The following CYB5R1 variants were observed in gnomAD, a reference collection of about 807,000 sequenced individuals.
CYB5R1 encodes cytochrome b5 reductase 1.
In CYB5R1, 32 loss-of-function variants were observed where a neutral mutation model predicts 37.4. The ratio of observed to expected loss-of-function variants is 0.86; its 90% CI spans 0.65 to 1.15. CYB5R1 has a LOEUF of 1.15. Among genes scored for constraint, CYB5R1 ranks in the 50% most tolerant of loss-of-function variants. CYB5R1 has a pLI of 0.00. For synonymous variants in CYB5R1, 159 were observed against 155.2 expected (o/e 1.02, Z -0.18); for missense variants, 345 against 382.5 (o/e 0.90, Z 0.82).
rs1571576672 is a variant in CYB5R1, at chr1:202,963,185, G to C, written c.646-20C>G. 6.3e-7 allele frequency: 1 copy of C among 1,594,390 alleles called. No homozygotes were observed. Among genetic ancestry groups the C allele is most frequent in the Non-Finnish European group, 8.6e-7 (1 of 1,162,154 alleles). ...TTCTGTCTGAAATGCAAAGGGGAAG[G>C]AAAGTCTTTAGGAGTCTTCTCAGGC... is the stretch of plus-strand genomic sequence containing the variant. On this transcript the variant is annotated intron_variant, in intron 7 of 8. Transcript: ENST00000367249.
intron 4 of CYB5R1, 107 bp downstream of exon 4, chr1:202,965,780 A>G: frequency 1.2e-6 from 1 of 823,010 alleles, no homozygotes; most frequent in South Asian, 1.7e-5. Context: ...CTTTCTTCAC[A>G]TCCACAGAGT....
rs745867958 is a variant in CYB5R1 at position 202,962,626 on chromosome 1, C to T, written c.819G>A (p.Val273=). ...REHLPAPGDD[V]LVLLCGPPPM... ...GGGGTGGCCCACAAAGCAGTACCAG[C>T]ACATCATCCCCTGGAGCGGGCAGGT... Residue 273 remains valine (V), a synonymous_variant, in exon 9 of 9, where the codon GTG becomes GTA. Coordinates refer to ENST00000367249, the MANE Select transcript of CYB5R1 (RefSeq NM_016243.3). 4 of 1,614,174 alleles carry T rather than the reference C, an allele frequency of 2.5e-6. No homozygotes were observed. The South Asian group carries it at 4.4e-5, about 18-fold the overall frequency.
intron 6 of CYB5R1, chr1:202,964,215 T>A: frequency 5.0e-6 from 1 of 199,164 alleles, no homozygotes; most frequent in South Asian, 1.1e-4. Flanking sequence ...ACCTACTTCA[T>A]AGATACCTAT....
At position 202,967,142 on chromosome 1, in the gene CYB5R1, C is replaced by A. The variant is rs748126018; in HGVS notation, c.15+49G>T. 1.0e-5 allele frequency: 16 copies of A among 1,599,648 alleles called. No individual in the cohort carries two copies. The South Asian group carries it at 1.8e-4, about 18-fold the overall frequency. On this transcript the variant is annotated intron_variant, in intron 1 of 8. Transcript: ENST00000367249. ...CTGGTCCGGAGCTGAGTGGCCAGAA[C>A]CAGATGGGGAGGGGTCCCCCAGTGG... is the stretch of plus-strand genomic sequence containing the variant.
At chr1:202,966,652 G>A (rs754556668) in intron 2 of CYB5R1, 52 bp from the exon 3 acceptor site, 7 of 1,613,550 alleles carry the variant, frequency 4.3e-6, no homozygotes, top group Admixed American at 3.3e-5. Context: ...GCGCTGCCAC[G>A]TCCCTTGGAC....
At position 202,964,647 on chromosome 1, in the gene CYB5R1, A is replaced by G; in HGVS notation, c.524T>C (p.Val175Ala). The part of the protein sequence containing the change: ...PNKKSPPEPR[V>A]AKKLGMIAGG... ...GGCAATCATTCCCAGTTTCTTCGCC[A>G]CTCGGGGTTCTGGTGGAGATTTCTT... The change falls in exon 6 of 9, where the codon GTG becomes GCG. Residue 175 changes from valine to alanine, a missense_variant. Transcript: ENST00000367249. 6.2e-7 allele frequency: 1 copy of G among 1,613,840 alleles called. No homozygotes were observed. The highest frequency in any genetic ancestry group is 2.2e-5 in the East Asian group (1 of 44,884).
rs1365760708 is a variant in CYB5R1 at position 202,965,883 on chromosome 1, T to C, written c.345+4A>G. 1.9e-6 allele frequency: 3 copies of C among 1,600,406 alleles called. No individual in the cohort carries two copies. Among genetic ancestry groups the C allele is most frequent in the East Asian group, 2.2e-5 (1 of 44,828 alleles). On this transcript the variant is annotated splice_donor_region_variant and intron_variant, in intron 4 of 8. Transcript: ENST00000367249. ...AGCCCCTGGGTCCCTTCCTAGCCCC[T>C]TACCTTGATGACAAGATCCACATAG... is the stretch of plus-strand genomic sequence containing the variant.
chr1:202,963,526 A>G (rs1655034177), intron 7 of CYB5R1, 116 bp downstream of exon 7: 1 of 697,786 alleles, frequency 1.4e-6, no homozygotes, highest in African/African-American at 1.8e-5. Context: ...TACAGAGGGG[A>G]CCTTGGGCAG....
chr1:202,966,806 AGGCCGGC>A lies in CYB5R1; in HGVS notation c.101_107del (p.Arg34LeufsTer17), dbSNP rs1383572369. On this transcript the variant is annotated frameshift_variant, in exon 2 of 9. Transcript: ENST00000367249. LOFTEE classifies it high-confidence loss of function. ...CATTGGGGTCCAGGAGAGTGACCTG[AGGCCGGC>A]GGGACCTCCGAACCAAGTAGGAGCC... 1 of 1,614,128 alleles carries A rather than the reference AGGCCGGC, an allele frequency of 6.2e-7. No homozygotes were observed. Among genetic ancestry groups the A allele is most frequent in the Admixed American group, 1.7e-5 (1 of 60,028 alleles).
chr1:202,966,434 A>C, intron 3 of CYB5R1, 94 bp downstream of exon 3: 4 of 1,401,328 alleles, frequency 2.9e-6, no homozygotes, highest in Non-Finnish European at 4.0e-6. Flanking sequence ...TGTGTGGAGC[A>C]AACCGGTTGA....
intron 3 of CYB5R1, 97 bp from the exon 4 acceptor site, chr1:202,966,090 C>A: frequency 1.2e-6 from 1 of 847,000 alleles, no homozygotes; most frequent in Non-Finnish European, 1.9e-6. Context: ...TGTCTTGCTT[C>A]CTGCTGTGGT....
intron 4 of CYB5R1, 56 bp from the exon 5 acceptor site, chr1:202,965,556 C>A: frequency 6.5e-7 from 1 of 1,531,428 alleles, no homozygotes; most frequent in South Asian, 1.3e-5. Context: ...TTCTGAGCCC[C>A]ATGTTGACTA....
Position 202,963,061 on chromosome 1 carries a change from G to A in CYB5R1, c.745+5C>T. 6.2e-7 allele frequency: 1 copy of A among 1,612,384 alleles called. No individual in the cohort carries two copies. The highest frequency in any genetic ancestry group is 8.5e-7 in the Non-Finnish European group (1 of 1,178,378). ...TAGTGGGATGTCCAGAAATGGGAAG[G>A]ATACCTTTTGGGGGATGATCCAGAG... is the stretch of plus-strand genomic sequence containing the variant. On this transcript the variant is annotated splice_donor_5th_base_variant and intron_variant, in intron 8 of 8. Transcript: ENST00000367249.
chr1:202,966,983 G>A (rs1487678643), intron 1 of CYB5R1, 85 bp from the exon 2 acceptor site: 8 of 1,489,508 alleles, frequency 5.4e-6, no homozygotes, highest in Admixed American at 4.5e-5. Flanking sequence ...TGGCGATCCC[G>A]AGCTCCAGCG....
At chr1:202,962,846 C>A in intron 8 of CYB5R1, 147 bp from the exon 9 acceptor site, 1 of 1,101,014 alleles carries the variant, frequency 9.1e-7, no homozygotes, top group Non-Finnish European at 1.4e-6. Flanking sequence ...ACTCAGCCTG[C>A]CTCAAGCTGA....
In CYB5R1 at chr1:202,964,640, C is replaced by T; in HGVS notation, c.531G>A (p.Lys177=). 1 of 1,613,816 alleles carries T rather than the reference C, an allele frequency of 6.2e-7. No homozygotes were observed. The highest frequency in any genetic ancestry group is 8.5e-7 in the Non-Finnish European group (1 of 1,179,766). ...TCCCGCCGGCAATCATTCCCAGTTT[C>T]TTCGCCACTCGGGGTTCTGGTGGAG... ...KKSPPEPRVA[K]KLGMIAGGTG... is the part of the protein sequence containing the mutation. The change falls in exon 6 of 9, where the codon AAG becomes AAA. Residue 177 remains lysine, a synonymous_variant. Transcript: ENST00000367249.
chr1:202,965,632 T>TG, intron 4 of CYB5R1, 132 bp from the exon 5 acceptor site: 1 of 948,530 alleles, frequency 1.1e-6, no homozygotes, highest in Non-Finnish European at 1.4e-6. Flanking sequence ...ATACTTTCTT[T>TG]CTTTCTTTTT....
In CYB5R1 at chr1:202,962,374, A is replaced by G; in HGVS notation, c.*153T>C. 1 of 962,936 alleles carries G rather than the reference A, an allele frequency of 1.0e-6. No individual in the cohort carries two copies. The highest frequency in any genetic ancestry group is 1.5e-6 in the Non-Finnish European group (1 of 654,610). 59.6% of individuals were successfully genotyped at this position (962,936 alleles called of 1,614,324 possible). On this transcript the variant is annotated 3_prime_UTR_variant, in exon 9 of 9. Transcript: ENST00000367249. The stretch of plus-strand genomic sequence containing the variant: ...AGCCTTGGCCCTCTTCCATGGCTAC[A>G]GGAATATTGTTCCTGCAGGTACTAT...
At position 202,962,075 on chromosome 1, in the gene CYB5R1, C is replaced by T. The variant is rs1346186001; in HGVS notation, c.*452G>A. The T allele has an allele frequency of 6.5e-6, 1 of 153,628 alleles. No individual in the cohort carries two copies. Among genetic ancestry groups the T allele is most frequent in the African/African-American group, 2.4e-5 (1 of 41,492 alleles). 9.5% of individuals were successfully genotyped at this position (153,628 alleles called of 1,614,324 possible). A position where few individuals can be genotyped will look rare whatever the true frequency, so the allele number is the denominator to read the frequency against. Reference sequence around the variant, plus strand: ...TCCTTTCTTGCCATCTCCATAAGACCACCTCTGGAAGTATGCTATGCTCAA... The same window carrying T: ...TCCTTTCTTGCCATCTCCATAAGACTACCTCTGGAAGTATGCTATGCTCAA... On this transcript the variant is annotated 3_prime_UTR_variant, in exon 9 of 9. Coordinates refer to ENST00000367249, the MANE Select transcript of CYB5R1 (RefSeq NM_016243.3).
Sources: allele counts gnomAD v4.1 joint callset, GRCh38; gene constraint gnomAD v4.1.1; transcripts MANE v1.5; gene names NCBI Gene and HGNC (gene_info 2026-07-23, HGNC 2026-07-21).